The following ESRRB variants were observed in gnomAD, a reference collection of about 807,000 sequenced individuals.
ESRRB encodes estrogen related receptor beta.
Under a neutral mutation model 46.0 loss-of-function variants are expected in ESRRB, and 16 were observed. That is an observed-to-expected ratio of 0.35 (90% CI 0.24 to 0.53). The LOEUF is 0.53. Among genes scored for constraint, ESRRB ranks in the 20% least tolerant of loss-of-function variants. The pLI, the probability that ESRRB is intolerant of heterozygous loss-of-function variation, is 0.93. For missense variants in ESRRB, 488 were observed against 607.4 expected, an observed-to-expected ratio of 0.80 and a Z score of 2.07; for synonymous variants, 246 against 259.6, an observed-to-expected ratio of 0.95 and a Z score of 0.50.
Position 76,482,798 on chromosome 14 carries a change from T to G in ESRRB, c.850+39T>G, listed in dbSNP as rs760681533. The G allele has an allele frequency of 6.2e-7, 1 of 1,611,322 alleles. No homozygotes were observed. Among genetic ancestry groups the G allele is most frequent in the East Asian group, 2.2e-5 (1 of 44,856 alleles). ...ACCAGGGGAGAGTGTGGCCAGGGAC[T>G]CTCAGCCGGTATCTCCGCAGCCTAC... On this transcript the variant is annotated intron_variant, in intron 5 of 6. Transcript: ENST00000644823. This position sits in a 1 kb window ranked among gnomAD's most constrained non-coding sequence, Gnocchi z 4.3.
intron 1 of ESRRB, among the ~76,000 whole-genome samples, chr14:76,426,320 G>A (rs1434353811): frequency 6.6e-6 from 1 of 152,100 alleles, no homozygotes; most frequent in Non-Finnish European, 1.5e-5. Context: ...ATAAGGGAGT[G>A]GCTTATATTA....
chr14:76,416,971 A>T (rs1162455043), intron 1 of ESRRB, among the ~76,000 whole-genome samples: 3 of 152,096 alleles, frequency 2.0e-5, no homozygotes. Context: ...GCAGGATAAG[A>T]TGTAGAGTAT....
chr14:76,457,702 C>T (rs541584843), intron 2 of ESRRB, among the ~76,000 whole-genome samples: 112 of 152,198 alleles, frequency 7.4e-4, no homozygotes, highest in African/African-American at 2.2e-3. Flanking sequence ...ATTTTTGAGA[C>T]GGAATCTTGC....
At chr14:76,325,049 C>T (rs1883913346) in intron 1 of ESRRB, among the ~76,000 whole-genome samples, 1 of 150,192 alleles carries the variant, frequency 6.7e-6, no homozygotes, top group Non-Finnish European at 1.5e-5. Flanking sequence ...ACTGCAACCT[C>T]CGCCTCCCAG....
intron 3 of ESRRB, among the ~76,000 whole-genome samples, chr14:76,473,489 T>C (rs1410439292): frequency 2.6e-5 from 4 of 152,244 alleles, no homozygotes; most frequent in Admixed American, 6.5e-5. Flanking sequence ...GGAAGAGAAA[T>C]ATGATGTGGG....
chr14:76,438,211 C>A (rs1887757895), intron 1 of ESRRB, among the ~76,000 whole-genome samples: 1 of 152,172 alleles, frequency 6.6e-6, no homozygotes, highest in Non-Finnish European at 1.5e-5. Context: ...GGCAGCCAAT[C>A]TGGCTGGTAC....
intron 1 of ESRRB, among the ~76,000 whole-genome samples, chr14:76,415,444 G>A (rs567849554): frequency 5.2e-4 from 79 of 152,050 alleles, no homozygotes; most frequent in Non-Finnish European, 4.6e-4. Context: ...GGCAGATCAC[G>A]AGGTCAGGAG....
intron 1 of ESRRB, among the ~76,000 whole-genome samples, chr14:76,384,736 A>G (rs1013472354): frequency 6.6e-6 from 1 of 152,192 alleles, no homozygotes; most frequent in African/African-American, 2.4e-5. Context: ...TTGCAGACCA[A>G]AGGCACAGAG....
chr14:76,430,558 G>A (rs918744526), intron 1 of ESRRB, among the ~76,000 whole-genome samples: 1 of 152,166 alleles, frequency 6.6e-6, no homozygotes, highest in Non-Finnish European at 1.5e-5. Flanking sequence ...ACAGCCTCAG[G>A]CAACATCCAC....
At chr14:76,332,601 TATATATTTATATATTATATAAA>T (rs1566853114) in intron 1 of ESRRB, among the ~76,000 whole-genome samples, 1,583 of 41,740 alleles carry the variant, frequency 0.038, 124 homozygotes, top group African/African-American at 0.15. Context: ...TATTATATAT[TATATATTTATATATTATATAAA>T]TATATATTAT....
chr14:76,356,026 G>C (rs927472409), intron 1 of ESRRB, among the ~76,000 whole-genome samples: 1 of 152,208 alleles, frequency 6.6e-6, no homozygotes, highest in African/African-American at 2.4e-5. Context: ...CTTCTTCCTT[G>C]CAATGCCCAG....
chr14:76,476,171 G>A (rs1032839804), intron 3 of ESRRB, among the ~76,000 whole-genome samples: 1 of 151,992 alleles, frequency 6.6e-6, no homozygotes, highest in African/African-American at 2.4e-5. Flanking sequence ...TCTGCACAGG[G>A]TCATGTATTC....
intron 1 of ESRRB, among the ~76,000 whole-genome samples, chr14:76,334,482 G>A (rs1372681358): frequency 2.0e-5 from 3 of 152,190 alleles, no homozygotes; most frequent in Admixed American, 6.5e-5. Flanking sequence ...GAAGCACAGG[G>A]CATCAGCTGG....
intron 1 of ESRRB, among the ~76,000 whole-genome samples, chr14:76,420,425 G>A (rs904871141): frequency 6.6e-6 from 1 of 152,186 alleles, no homozygotes; most frequent in South Asian, 2.1e-4. Context: ...GAACTCAGAA[G>A]ACACTCGTGC....
chr14:76,444,720 AGTCTACAGGC>A (rs1383109118), intron 2 of ESRRB, among the ~76,000 whole-genome samples: 1 of 152,146 alleles, frequency 6.6e-6, no homozygotes, highest in Non-Finnish European at 1.5e-5. Context: ...AGTGCCCATG[AGTCTACAGGC>A]GTAGCACTGT....
chr14:76,426,061 T>C (rs1887186955), intron 1 of ESRRB, among the ~76,000 whole-genome samples: 1 of 152,246 alleles, frequency 6.6e-6, no homozygotes. Context: ...ACAATCCCAG[T>C]GCTTCAGTTG....
At chr14:76,404,068 C>T (rs754707691) in intron 1 of ESRRB, among the ~76,000 whole-genome samples, 57 of 152,146 alleles carry the variant, frequency 3.7e-4, no homozygotes, top group Non-Finnish European at 7.5e-4. Flanking sequence ...TTGGACAAGT[C>T]TACATACTCT....
At chr14:76,317,786 A>G (rs1883819978) in intron 1 of ESRRB, among the ~76,000 whole-genome samples, 1 of 152,008 alleles carries the variant, frequency 6.6e-6, no homozygotes, top group Non-Finnish European at 1.5e-5. Context: ...TTCCTTAATT[A>G]TAAAATGAGC....
At chr14:76,357,204 A>G (rs1884389453) in intron 1 of ESRRB, among the ~76,000 whole-genome samples, 1 of 152,272 alleles carries the variant, frequency 6.6e-6, no homozygotes, top group Non-Finnish European at 1.5e-5. Context: ...ATCTATATCC[A>G]GAAATTTTAA....
Sources: gnomAD v4.1 joint callset for allele counts (sites outside exome capture counted in the v4.1 genomes callset) on GRCh38, gnomAD v4.1.1 for gene constraint, Gnocchi (gnomAD v3.1) non-coding constraint, MANE v1.5 for transcripts, NCBI Gene and HGNC (gene_info 2026-07-23, HGNC 2026-07-21) for gene names.